The following NRG1 variants were observed in gnomAD, a reference collection of about 807,000 sequenced individuals.
The protein encoded by NRG1 is pro-neuregulin-1, membrane-bound isoform.
A neutral mutation model predicts 63.8 loss-of-function variants in NRG1; 18 were observed. That is an observed-to-expected ratio of 0.28 (90% CI 0.19 to 0.42). NRG1 has a LOEUF of 0.42. Ranked by LOEUF, NRG1 falls within the 10% of genes least tolerant of loss-of-function variation. NRG1 has a pLI of 1.00. For synonymous variants in NRG1, 302 were observed against 301.3 expected, an observed-to-expected ratio of 1.00 and a Z score of -0.02; for missense variants, 762 against 814.7, an observed-to-expected ratio of 0.94 and a Z score of 0.79.
At chr8:32,628,316 T>C (rs1402379080) in intron 5 of NRG1, among the ~76,000 whole-genome samples, 1 of 152,214 alleles carries the variant, frequency 6.6e-6, no homozygotes, top group African/African-American at 2.4e-5. Flanking sequence ...TTCTCTTATT[T>C]GATCCAGATG....
intron 1 of NRG1, among the ~76,000 whole-genome samples, chr8:32,313,953 C>G (rs1408248231): frequency 6.6e-6 from 1 of 152,088 alleles, no homozygotes; most frequent in Non-Finnish European, 1.5e-5. Flanking sequence ...TACATTCTTT[C>G]TAAACAAGCA....
chr8:32,243,914 A>C (rs1028915134), intron 1 of NRG1, among the ~76,000 whole-genome samples: 2 of 152,152 alleles, frequency 1.3e-5, no homozygotes, highest in African/African-American at 4.8e-5. Flanking sequence ...TCATACACCA[A>C]GTCTTCCTGC....
At chr8:32,064,205 C>G (rs13255161) in intron 1 of NRG1, among the ~76,000 whole-genome samples, 3 of 151,810 alleles carry the variant, frequency 2.0e-5, no homozygotes, top group African/African-American at 7.3e-5. Flanking sequence ...GAGAAGTCAT[C>G]GGCTAAGCTA....
chr8:31,988,810 G>A (rs1810525362), intron 1 of NRG1, among the ~76,000 whole-genome samples: 1 of 152,032 alleles, frequency 6.6e-6, no homozygotes, highest in African/African-American at 2.4e-5. Flanking sequence ...TATACTTGAG[G>A]TGCCTTAGAT....
intron 1 of NRG1, among the ~76,000 whole-genome samples, chr8:31,983,723 G>A (rs536870748): frequency 5.9e-5 from 9 of 152,028 alleles, no homozygotes; most frequent in Non-Finnish European, 1.3e-4. Context: ...AAACAGGAGA[G>A]CAGGCAGTGA....
At chr8:32,378,926 A>G (rs1809987794) in intron 1 of NRG1, among the ~76,000 whole-genome samples, 1 of 151,994 alleles carries the variant, frequency 6.6e-6, no homozygotes, top group Non-Finnish European at 1.5e-5. Context: ...AGTTTCATCC[A>G]TGTCCCTACA....
intron 5 of NRG1, among the ~76,000 whole-genome samples, chr8:32,662,398 G>A (rs1427181370): frequency 1.3e-5 from 2 of 152,148 alleles, no homozygotes; most frequent in South Asian, 4.1e-4. Flanking sequence ...AGATCAGAGA[G>A]GTGATGAAGG....
At chr8:32,203,188 C>CTTTT (rs11311144) in intron 1 of NRG1, among the ~76,000 whole-genome samples, 2 of 61,480 alleles carry the variant, frequency 3.3e-5, no homozygotes, top group Non-Finnish European at 6.2e-5. Flanking sequence ...AGCAAGCCAG[C>CTTTT]TTTTTTTTTT....
At chr8:32,180,287 A>T (rs928880378) in intron 1 of NRG1, among the ~76,000 whole-genome samples, 1 of 151,896 alleles carries the variant, frequency 6.6e-6, no homozygotes, top group African/African-American at 2.4e-5. Context: ...TACCCTTCCA[A>T]TTTTCTCCAG....
intron 1 of NRG1, among the ~76,000 whole-genome samples, chr8:32,468,722 G>T (rs1587825455): frequency 6.9e-6 from 1 of 143,896 alleles, no homozygotes; most frequent in African/African-American, 2.5e-5. Flanking sequence ...TAACATTACA[G>T]TTTTTTTTTT....
intron 1 of NRG1, among the ~76,000 whole-genome samples, chr8:31,766,466 C>T (rs981583204): frequency 6.6e-6 from 1 of 152,128 alleles, no homozygotes; most frequent in Non-Finnish European, 1.5e-5. Context: ...CTATGGGAAG[C>T]TGGAACTTAC....
chr8:31,762,089 T>A (rs957004431), intron 1 of NRG1, among the ~76,000 whole-genome samples: 9 of 152,338 alleles, frequency 5.9e-5, no homozygotes, highest in East Asian at 1.9e-4. Flanking sequence ...TTTCTTTTTT[T>A]AAAAATTTCT....
At chr8:32,478,410 A>G (rs561408853) in intron 1 of NRG1, among the ~76,000 whole-genome samples, 4 of 152,348 alleles carry the variant, frequency 2.6e-5, no homozygotes, top group African/African-American at 7.2e-5. Context: ...TGGGACACCA[A>G]TGTAATACCA....
intron 1 of NRG1, among the ~76,000 whole-genome samples, chr8:31,824,914 T>A (rs934716117): frequency 1.3e-5 from 2 of 152,158 alleles, no homozygotes; most frequent in Non-Finnish European, 2.9e-5. Flanking sequence ...GTCACTGAAG[T>A]GAGGAAGAAA....
At chr8:32,618,162 A>G (rs948562243) in intron 5 of NRG1, among the ~76,000 whole-genome samples, 3 of 151,608 alleles carry the variant, frequency 2.0e-5, no homozygotes, top group Admixed American at 6.6e-5. Flanking sequence ...GTATAATTAT[A>G]TGGATTTTAT....
At chr8:31,774,214 A>G (rs774001449) in intron 1 of NRG1, among the ~76,000 whole-genome samples, 2 of 151,926 alleles carry the variant, frequency 1.3e-5, no homozygotes, top group Non-Finnish European at 2.9e-5. Context: ...GGTTGCCTCT[A>G]CTGGGCACTT....
At chr8:32,763,945 A>G in exon 12 of NRG1, 1 of 1,614,058 alleles carries the variant, frequency 6.2e-7, no homozygotes, top group South Asian at 1.1e-5. Flanking sequence ...CTGCGGGAGA[A>G]GAAGTTTGAC....
chr8:32,393,870 C>A (rs1171443157), intron 1 of NRG1, among the ~76,000 whole-genome samples: 1 of 152,080 alleles, frequency 6.6e-6, no homozygotes, highest in East Asian at 1.9e-4. Flanking sequence ...GCACATGTAC[C>A]CATGAACCTA....
intron 1 of NRG1, among the ~76,000 whole-genome samples, chr8:31,677,116 A>G (rs1215348023): frequency 2.0e-5 from 3 of 152,112 alleles, no homozygotes; most frequent in African/African-American, 4.8e-5. Context: ...TCACACTAAA[A>G]TCCCTGTATG....
Sources: allele counts gnomAD v4.1 joint callset (sites outside exome capture counted in the v4.1 genomes callset), GRCh38; gene constraint gnomAD v4.1.1; transcripts MANE v1.5; gene names NCBI Gene and HGNC (gene_info 2026-07-23, HGNC 2026-07-21).